The following DDX19B variants were observed in gnomAD, a reference collection of about 807,000 sequenced individuals.
DDX19B encodes DEAD-box helicase 19B.
A neutral mutation model predicts 58.1 loss-of-function variants in DDX19B; 27 were observed. That is an observed-to-expected ratio of 0.46 (90% CI 0.34 to 0.64). DDX19B has a LOEUF of 0.64. DDX19B is among the 30% of genes least tolerant of loss of function. The pLI, the probability that DDX19B is intolerant of heterozygous loss-of-function variation, is 0.01. For missense variants in DDX19B, 399 were observed against 596.5 expected (o/e 0.67, Z 3.45); for synonymous variants, 187 against 214.4 (o/e 0.87, Z 1.12).
intron 5 of DDX19B, among the ~76,000 whole-genome samples, chr16:70,323,089 G>GTTT (rs1962937589): frequency 6.6e-6 from 1 of 151,726 alleles, no homozygotes; most frequent in Admixed American, 6.6e-5. Flanking sequence ...CGGCTGCTCC[G>GTTT]TTTTTTGTTT....
chr16:70,314,990 C>CTTCT (rs1399013675), intron 3 of DDX19B, 35 bp downstream of exon 3: 1 of 1,595,938 alleles, frequency 6.3e-7, no homozygotes, highest in African/African-American at 1.3e-5. Context: ...TAATAACAAG[C>CTTCT]TTCTACATTC....
At chr16:70,304,560 A>G (rs1255108648) in intron 1 of DDX19B, among the ~76,000 whole-genome samples, 1 of 151,212 alleles carries the variant, frequency 6.6e-6, no homozygotes, top group Non-Finnish European at 1.5e-5. Flanking sequence ...TTTAGTAGAG[A>G]CAGGGTTTCA....
At chr16:70,322,393 C>A (rs1437601592) in intron 5 of DDX19B, among the ~76,000 whole-genome samples, 1 of 151,896 alleles carries the variant, frequency 6.6e-6, no homozygotes, top group Non-Finnish European at 1.5e-5. Flanking sequence ...GAGTTCAAGA[C>A]CAGCCTGGCC....
chr16:70,316,266 G>C (rs1962401229), intron 4 of DDX19B, 162 bp downstream of exon 4: 1 of 1,003,964 alleles, frequency 1.0e-6, no homozygotes, highest in African/African-American at 1.6e-5. Context: ...CTGGAGTGCA[G>C]TAGCGCGATC....
upstream of DDX19B, among the ~76,000 whole-genome samples, chr16:70,294,526 G>A (rs1436074727): frequency 1.3e-5 from 2 of 152,188 alleles, no homozygotes; most frequent in Admixed American, 1.3e-4. Flanking sequence ...CCCACGGGGG[G>A]AGATGCTAAT....
chr16:70,300,393 A>G (rs2152183077), intron 1 of DDX19B, among the ~76,000 whole-genome samples: 1 of 151,618 alleles, frequency 6.6e-6, no homozygotes, highest in Non-Finnish European at 1.5e-5. Flanking sequence ...TTTTTTGTAG[A>G]GATGGGGACT....
At chr16:70,323,550 A>G (rs1962967301) in intron 5 of DDX19B, among the ~76,000 whole-genome samples, 1 of 151,588 alleles carries the variant, frequency 6.6e-6, no homozygotes, top group Non-Finnish European at 1.5e-5. Context: ...CAGCCTCCCA[A>G]GGAGCTGGGA....
upstream of DDX19B, among the ~76,000 whole-genome samples, chr16:70,291,429 A>C (rs1490531171): frequency 2.6e-5 from 4 of 152,336 alleles, no homozygotes; most frequent in African/African-American, 9.6e-5. Context: ...AAAATAATAC[A>C]GGTTGTAATC....
chr16:70,293,362 A>G (rs116468751), upstream of DDX19B, among the ~76,000 whole-genome samples: 5,415 of 148,528 alleles, frequency 0.036, 340 homozygotes, highest in African/African-American at 0.13. Context: ...AGGATGCAGT[A>G]AGCCATGATC....
chr16:70,301,171 T>C (rs899202138), intron 1 of DDX19B, among the ~76,000 whole-genome samples: 2 of 152,178 alleles, frequency 1.3e-5, no homozygotes, highest in African/African-American at 4.8e-5. Flanking sequence ...TACCCCTACT[T>C]TTCCATCTTT....
chr16:70,314,088 A>G (rs1962236672), intron 2 of DDX19B, among the ~76,000 whole-genome samples: 1 of 151,716 alleles, frequency 6.6e-6, no homozygotes, highest in Non-Finnish European at 1.5e-5. Context: ...CAGGCTGGGT[A>G]AGAGTGAGAC....
At chr16:70,300,671 A>G (rs1401100096) in intron 1 of DDX19B, among the ~76,000 whole-genome samples, 1 of 152,092 alleles carries the variant, frequency 6.6e-6, no homozygotes, top group Non-Finnish European at 1.5e-5. Flanking sequence ...CCGGGACTAC[A>G]AGCATGTGCC....
upstream of DDX19B, among the ~76,000 whole-genome samples, chr16:70,296,471 ATGGGAGCT>A (rs1961227302): frequency 6.6e-6 from 1 of 152,010 alleles, no homozygotes; most frequent in Non-Finnish European, 1.5e-5. Flanking sequence ...AAAAGCATAT[ATGGGAGCT>A]TGGGGGCTTT....
intron 1 of DDX19B, among the ~76,000 whole-genome samples, chr16:70,311,983 A>G (rs1962118613): frequency 6.6e-6 from 1 of 152,032 alleles, no homozygotes; most frequent in South Asian, 2.1e-4. Context: ...CTGGCACTAC[A>G]GGCATGCACC....
chr16:70,299,906 G>A (rs1302949550), intron 1 of DDX19B, among the ~76,000 whole-genome samples: 3 of 152,106 alleles, frequency 2.0e-5, no homozygotes, highest in African/African-American at 7.2e-5. Context: ...GTGGCAGTCA[G>A]CAAATCCTTT....
chr16:70,303,849 G>A (rs780179954), intron 1 of DDX19B, among the ~76,000 whole-genome samples: 6 of 151,772 alleles, frequency 4.0e-5, no homozygotes, highest in Non-Finnish European at 8.8e-5. Context: ...GTGAGCCACC[G>A]CGCCCGGCCT....
chr16:70,290,251 T>A (rs555036155), upstream of DDX19B, among the ~76,000 whole-genome samples: 2 of 151,996 alleles, frequency 1.3e-5, no homozygotes, highest in South Asian at 4.2e-4. Context: ...AAAAATTTTT[T>A]AAAAGGCCGG....
intron 3 of DDX19B, chr16:70,315,525 A>G (rs1962341339): frequency 6.4e-6 from 1 of 156,752 alleles, no homozygotes; most frequent in Non-Finnish European, 1.4e-5. Context: ...TTGCATCTCT[A>G]TTGTCCAGTA....
In DDX19B at chr16:70,332,822, A is replaced by T. The variant is rs548916403; in HGVS notation, c.1187-146A>T. The T allele has an allele frequency of 7.5e-6, 11 of 1,465,340 alleles. No homozygotes were observed. The East Asian group carries it at 1.6e-4, about 22-fold the overall frequency. The allele number at this position is 1,465,340 out of a possible 1,614,324, so 90.8% of individuals were successfully genotyped here. A position where few individuals can be genotyped will look rare whatever the true frequency, so the allele number is the denominator to read the frequency against. On this transcript the variant is annotated intron_variant, in intron 10 of 11. Transcript: ENST00000288071. ...AATCTCATACTGCACGGCCTTTCAG[A>T]TCTGGCTTCCTGCACTCAATGTCAT...
Sources: allele counts gnomAD v4.1 joint callset (sites outside exome capture counted in the v4.1 genomes callset), GRCh38; gene constraint gnomAD v4.1.1; transcripts MANE v1.5; gene names NCBI Gene and HGNC (gene_info 2026-07-23, HGNC 2026-07-21).